The following CDC14B variants were observed in gnomAD, a reference collection of about 807,000 sequenced individuals.
CDC14B encodes cell division cycle 14B.
In CDC14B, 22 loss-of-function variants were observed where a neutral mutation model predicts 64.2. The observed-to-expected ratio is 0.34, with a 90% confidence interval of 0.24 to 0.49. CDC14B has a LOEUF of 0.49. Among genes scored for constraint, CDC14B ranks in the 20% least tolerant of loss-of-function variants. The probability of loss-of-function intolerance (pLI) is 0.99; values close to 1 mark genes in which losing one functional copy is unlikely to be tolerated. For missense variants in CDC14B, 498 were observed against 629.9 expected (o/e 0.79, Z 2.24); for synonymous variants, 191 against 215.8 (o/e 0.89, Z 1.01).
intron 12 of CDC14B, among the ~76,000 whole-genome samples, chr9:96,521,065 TTTTGTTTG>T (rs1002401279): frequency 6.6e-6 from 1 of 152,072 alleles, no homozygotes; most frequent in Non-Finnish European, 1.5e-5. Context: ...AAGGCACTAT[TTTTGTTTG>T]TTTGTTTGTT....
intron 9 of CDC14B, among the ~76,000 whole-genome samples, chr9:96,527,326 G>A (rs1837722659): frequency 6.6e-6 from 1 of 152,190 alleles, no homozygotes; most frequent in South Asian, 2.1e-4. Context: ...GTGAACCTGG[G>A]AGGCAGAGGT....
chr9:96,513,473 T>C (rs780741666), intron 12 of CDC14B, among the ~76,000 whole-genome samples: 1 of 152,182 alleles, frequency 6.6e-6, no homozygotes, highest in Non-Finnish European at 1.5e-5. Flanking sequence ...GCAGATGTAT[T>C]TTCTTCCTTC....
At position 96,541,287 on chromosome 9, in the gene CDC14B, G is replaced by A. The variant is rs1303486751; in HGVS notation, c.564+539C>T. 2.0e-5 allele frequency among the ~76,000 whole-genome samples: 3 copies of A among 152,202 alleles called. No individual in the cohort carries two copies. The East Asian group carries it at 5.8e-4, about 29-fold the overall frequency. On this transcript the variant is annotated intron_variant, in intron 6 of 13. Coordinates refer to ENST00000375241, the MANE Select transcript of CDC14B (RefSeq NM_033331.4). ...CTGGTTATGACCCAAGGAATCACTTGGAAATAGTTTGACAAAGCAGCAGTG... is the reference window on the plus strand; with the variant it reads ...CTGGTTATGACCCAAGGAATCACTTAGAAATAGTTTGACAAAGCAGCAGTG...
At chr9:96,525,812 C>T (rs1837466031) in intron 9 of CDC14B, among the ~76,000 whole-genome samples, 1 of 152,126 alleles carries the variant, frequency 6.6e-6, no homozygotes, top group African/African-American at 2.4e-5. Context: ...AGATGAGACT[C>T]TGAACTTGGA....
At chr9:96,499,862 G>A (rs1247312538), downstream of CDC14B, among the ~76,000 whole-genome samples, 2 of 152,240 alleles carry the variant, frequency 1.3e-5, no homozygotes, top group African/African-American at 4.8e-5. Context: ...GCCCTGCGAG[G>A]AGGCAGCGCC....
intron 1 of CDC14B, among the ~76,000 whole-genome samples, chr9:96,569,391 A>AAGT (rs1478616069): frequency 2.0e-5 from 3 of 152,192 alleles, no homozygotes; most frequent in Admixed American, 1.3e-4. Flanking sequence ...GAAACTAGAA[A>AAGT]AGTAGCTAGA....
At chr9:96,534,845 C>A (rs891016398) in intron 7 of CDC14B, among the ~76,000 whole-genome samples, 23 of 152,130 alleles carry the variant, frequency 1.5e-4, no homozygotes, top group African/African-American at 5.3e-4. Context: ...TGAATCAATT[C>A]TCATTATAGT....
At chr9:96,602,010 G>C (rs746329341) in intron 1 of CDC14B, among the ~76,000 whole-genome samples, 2 of 151,992 alleles carry the variant, frequency 1.3e-5, no homozygotes, top group Non-Finnish European at 2.9e-5. Context: ...AGTGAGCCAG[G>C]ATCGCGCCAC....
intron 13 of CDC14B, among the ~76,000 whole-genome samples, chr9:96,493,457 G>C (rs1456665642): frequency 6.6e-6 from 1 of 152,234 alleles, no homozygotes; most frequent in African/African-American, 2.4e-5. Context: ...TGTGGATGGA[G>C]GATGAGGTGT....
chr9:96,580,711 C>T (rs915611278), intron 1 of CDC14B, among the ~76,000 whole-genome samples: 1 of 152,036 alleles, frequency 6.6e-6, no homozygotes, highest in Non-Finnish European at 1.5e-5. Flanking sequence ...TTCACTATAG[C>T]AGTGTCTGCA....
intron 13 of CDC14B, among the ~76,000 whole-genome samples, chr9:96,508,014 AT>A (rs905717510): frequency 8.6e-4 from 126 of 146,160 alleles, no homozygotes; most frequent in Middle Eastern, 3.6e-3. Context: ...ATACTTCAGA[AT>A]TTTTTTTTTT....
Position 96,503,664 on chromosome 9 carries a change from G to C in CDC14B, c.*89C>G, listed in dbSNP as rs1187707229. The C allele has an allele frequency of 8.5e-7, 1 of 1,179,478 alleles. No homozygotes were observed. Among genetic ancestry groups the C allele is most frequent in the Non-Finnish European group, 1.2e-6 (1 of 800,162 alleles). The allele number at this position is 1,179,478 out of a possible 1,614,324, so 73.1% of individuals were successfully genotyped here. On this transcript the variant is annotated 3_prime_UTR_variant, in exon 14 of 14. Transcript: ENST00000375241. The stretch of plus-strand genomic sequence containing the variant: ...GGTGGAAAAAGCAACTAAGGCTTTT[G>C]CAATTTTGTTTTGTTTTCAAATTGT...
chr9:96,543,665 C>A lies in CDC14B; in HGVS notation c.498-1773G>T, dbSNP rs143338077. Among the ~76,000 whole-genome samples, 15 of 152,286 alleles carry A rather than the reference C, an allele frequency of 9.8e-5. No individual in the cohort carries two copies. The East Asian group carries it at 2.9e-3, about 29-fold the overall frequency. ...GCACCCCGACCCCTACCCTGCTTCT[C>A]CTTTTTGGCTACCTTGAGCCATTAC... On this transcript the variant is annotated intron_variant, in intron 5 of 13. Transcript: ENST00000375241.
chr9:96,572,445 T>C (rs2118048626), intron 1 of CDC14B, among the ~76,000 whole-genome samples: 1 of 152,224 alleles, frequency 6.6e-6, no homozygotes, highest in South Asian at 2.1e-4. Context: ...AACTGGTGTC[T>C]GCCACAGAAA....
At position 96,565,168 on chromosome 9, in the gene CDC14B, T is replaced by C. The variant is rs556172942; in HGVS notation, c.251+225A>G. Among the ~76,000 whole-genome samples, 15 of 152,032 alleles carry C rather than the reference T, an allele frequency of 9.9e-5. No individual in the cohort carries two copies. The South Asian group carries it at 3.1e-3, about 32-fold the overall frequency. On this transcript the variant is annotated intron_variant, in intron 2 of 13. Coordinates refer to ENST00000375241, the MANE Select transcript of CDC14B (RefSeq NM_033331.4). Reference sequence around the variant, plus strand: ...ATATCTTACTTAGTACACATTTATATCTCATTGTAGTGTAAATATTAGACT... The same window carrying C: ...ATATCTTACTTAGTACACATTTATACCTCATTGTAGTGTAAATATTAGACT...
At chr9:96,533,901 T>C (rs2131722238) in intron 9 of CDC14B, 26 bp downstream of exon 9, 2 of 1,461,650 alleles carry the variant, frequency 1.4e-6, no homozygotes, top group Non-Finnish European at 9.4e-7. Flanking sequence ...CTGTATACTA[T>C]TCTTTAACCA....
intron 13 of CDC14B, among the ~76,000 whole-genome samples, chr9:96,494,336 CTG>C (rs1418693362): frequency 2.6e-5 from 4 of 152,246 alleles, no homozygotes; most frequent in Non-Finnish European, 4.4e-5. Flanking sequence ...GTGTTTGCCT[CTG>C]TGCTCAGCCA....
intron 12 of CDC14B, among the ~76,000 whole-genome samples, chr9:96,519,514 C>T (rs928527641): frequency 4.0e-5 from 6 of 151,802 alleles, no homozygotes; most frequent in Non-Finnish European, 8.8e-5. Context: ...GGTGGGTGTA[C>T]CACTTGAGGT....
At chr9:96,492,347 G>A (rs1383469386) in exon 14 of CDC14B, 1 of 152,348 alleles carries the variant, frequency 6.6e-6, no homozygotes, top group Non-Finnish European at 1.5e-5. Flanking sequence ...GGCTCCTGAA[G>A]ACTCAGCTCA....
Sources: allele counts gnomAD v4.1 joint callset (sites outside exome capture counted in the v4.1 genomes callset), GRCh38; gene constraint gnomAD v4.1.1; transcripts MANE v1.5; gene names NCBI Gene and HGNC (gene_info 2026-07-23, HGNC 2026-07-21).